The following ACSM5 variants were observed in gnomAD, a reference collection of about 807,000 sequenced individuals.
ACSM5 encodes acyl-coenzyme A synthetase ACSM5, mitochondrial.
ACSM5 carries 56 observed loss-of-function variants against 71.6 expected under a neutral mutation model. That is an observed-to-expected ratio of 0.78 (90% confidence interval 0.63 to 0.98). The LOEUF (loss-of-function observed/expected upper bound fraction) is 0.98. Among genes scored for constraint, ACSM5 ranks in the 50% least tolerant of loss-of-function variants. ACSM5 has a pLI of 0.00. For missense variants in ACSM5, 723 were observed against 726.0 expected, an observed-to-expected ratio of 1.00 and a Z score of 0.05; for synonymous variants, 285 against 281.5, an observed-to-expected ratio of 1.01 and a Z score of -0.12.
At chr16:20,421,672 TATAC>T (rs1966886263) in intron 5 of ACSM5, among the ~76,000 whole-genome samples, 1 of 144,190 alleles carries the variant, frequency 6.9e-6, no homozygotes, top group Non-Finnish European at 1.5e-5. Flanking sequence ...CACACATATA[TATAC>T]ATACATACAC....
At chr16:20,439,250 A>G (rs1166574171) in intron 12 of ACSM5, among the ~76,000 whole-genome samples, 1 of 129,546 alleles carries the variant, frequency 7.7e-6, no homozygotes, top group East Asian at 3.4e-4. Context: ...AGCCTGCAGG[A>G]AAGTTGTGGG....
intron 8 of ACSM5, among the ~76,000 whole-genome samples, 178 bp from the exon 9 acceptor site, chr16:20,430,813 GAA>G (rs1360605362): frequency 6.8e-6 from 1 of 147,076 alleles, no homozygotes; most frequent in Admixed American, 6.8e-5. Flanking sequence ...AAAAAGAAAA[GAA>G]AGAAGGGAGG....
chr16:20,428,016 T>C (rs1283187694), intron 7 of ACSM5, 149 bp downstream of exon 7: 1 of 678,996 alleles, frequency 1.5e-6, no homozygotes, highest in African/African-American at 1.8e-5. Flanking sequence ...TTTGTCTCTC[T>C]CTCACACACA....
chr16:20,418,288 G>T lies in ACSM5; in HGVS notation c.415+19G>T. ...CGGACAGGTCAGTAAGCAGGGCTGG[G>T]AATTTTAGTTGGGGGCAGACACAAC... On this transcript the variant is annotated intron_variant, in intron 3 of 13. Transcript: ENST00000331849. 1 of 1,595,778 alleles carries T rather than the reference G, an allele frequency of 6.3e-7. No individual in the cohort carries two copies. The highest frequency in any genetic ancestry group is 2.2e-5 in the East Asian group (1 of 44,500).
chr16:20,419,003 A>C (rs1223949421), intron 3 of ACSM5, among the ~76,000 whole-genome samples: 1 of 152,108 alleles, frequency 6.6e-6, no homozygotes, highest in Admixed American at 6.6e-5. Flanking sequence ...ACAGAGGAGG[A>C]AAGAGGCCAC....
At chr16:20,436,980 G>A (rs1967211751) in intron 10 of ACSM5, 72 bp from the exon 11 acceptor site, 1 of 1,534,782 alleles carries the variant, frequency 6.5e-7, no homozygotes, top group African/African-American at 1.4e-5. Flanking sequence ...TCCTACAGGG[G>A]GCTACTGGGG....
chr16:20,423,526 C>A (rs1966919530), intron 5 of ACSM5, among the ~76,000 whole-genome samples: 1 of 152,216 alleles, frequency 6.6e-6, no homozygotes, highest in Non-Finnish European at 1.5e-5. Flanking sequence ...ACATGCTCTC[C>A]AGGGGCTTCC....
At chr16:20,436,879 T>C (rs1389555463) in intron 10 of ACSM5, among the ~76,000 whole-genome samples, 173 bp from the exon 11 acceptor site, 1 of 152,126 alleles carries the variant, frequency 6.6e-6, no homozygotes, top group Non-Finnish European at 1.5e-5. Flanking sequence ...ATCCCACAAC[T>C]AAACAGGGCC....
At chr16:20,437,222 G>A in intron 11 of ACSM5, 43 bp downstream of exon 11, 1 of 1,614,154 alleles carries the variant, frequency 6.2e-7, no homozygotes, top group African/African-American at 1.3e-5. Context: ...AAATTTCATG[G>A]GGGTTGAGGG....
chr16:20,431,301 T>C lies in ACSM5; in HGVS notation c.1288T>C (p.Cys430Arg), dbSNP rs548352099. ...CCGTATCAGACCCACTCGGCCCTTC[T>C]GTTTCTTCAATTGCTATTTGGTAAG... ...AVRIRPTRPFCFFNCYLDNPE... is the reference protein window; with the variant it reads ...AVRIRPTRPFRFFNCYLDNPE... The change falls in exon 10 of 14, where the codon TGT becomes CGT. Residue 430 changes from cysteine to arginine, a missense_variant. Coordinates refer to ENST00000331849, the MANE Select transcript of ACSM5 (RefSeq NM_017888.3). The C allele has an allele frequency of 6.2e-7, 1 of 1,614,190 alleles. No individual in the cohort carries two copies. The highest frequency in any genetic ancestry group is 1.7e-5 in the Admixed American group (1 of 60,030).
intron 10 of ACSM5, among the ~76,000 whole-genome samples, chr16:20,431,985 A>G (rs1436818071): frequency 6.6e-5 from 10 of 151,440 alleles, no homozygotes; most frequent in Non-Finnish European, 1.2e-4. Context: ...AAATAAATAC[A>G]TAAAGGTCAA....
intron 11 of ACSM5, 42 bp downstream of exon 11, chr16:20,437,221 G>A (rs1967219804): frequency 6.2e-7 from 1 of 1,614,110 alleles, no homozygotes. Context: ...GAAATTTCAT[G>A]GGGGTTGAGG....
intron 2 of ACSM5, among the ~76,000 whole-genome samples, chr16:20,413,748 A>C (rs186378033): frequency 7.2e-5 from 11 of 152,308 alleles, no homozygotes; most frequent in Admixed American, 6.5e-5. Context: ...CTAAGCTCGC[A>C]CTTCTGGCAG....
intron 5 of ACSM5, among the ~76,000 whole-genome samples, chr16:20,422,186 A>T (rs1474001876): frequency 1.3e-5 from 2 of 152,002 alleles, no homozygotes; most frequent in Non-Finnish European, 2.9e-5. Context: ...ATCTCCACTC[A>T]CTGCAACCTC....
Position 20,414,935 on chromosome 16 carries a change from G to A in ACSM5, c.205-3124G>A, listed in dbSNP as rs775255581. On this transcript the variant is annotated intron_variant, in intron 2 of 13. Coordinates refer to ENST00000331849, the MANE Select transcript of ACSM5 (RefSeq NM_017888.3). Reference sequence around the variant, plus strand: ...TAAAGGCACAGATGATAAAAACTCAGAAGGAAATGAAAAATGTAATATCAG... The same window carrying A: ...TAAAGGCACAGATGATAAAAACTCAAAAGGAAATGAAAAATGTAATATCAG... Among the ~76,000 whole-genome samples, 58 of 152,180 alleles carry A rather than the reference G, an allele frequency of 3.8e-4. 1 individual carries two copies. The highest frequency in any genetic ancestry group is 1.8e-4 in the Non-Finnish European group (12 of 68,034).
Position 20,418,112 on chromosome 16 carries a change from A to G in ACSM5, c.258A>G (p.Ala86=), listed in dbSNP as rs202071732. 62 of 1,613,860 alleles carry G rather than the reference A, an allele frequency of 3.8e-5. No homozygotes were observed. The Admixed American group carries it at 9.8e-4, about 26-fold the overall frequency. Residue 86 remains alanine, a synonymous_variant, in exon 3 of 14, where the codon GCA becomes GCG. Coordinates refer to ENST00000331849, the MANE Select transcript of ACSM5 (RefSeq NM_017888.3). ...TCTGGTGGGTCAATGGCACAGGAGC[A>G]GAGATCAAGTGGAGCTTTGAGGAGC... The part of the protein sequence containing the change: ...PAFWWVNGTG[A]EIKWSFEELG...
chr16:20,423,925 G>T lies in ACSM5; in HGVS notation c.777G>T (p.Val259=), dbSNP rs1179574050. The T allele has an allele frequency of 1.2e-6, 2 of 1,613,962 alleles. No individual in the cohort carries two copies. Among genetic ancestry groups the T allele is most frequent in the East Asian group, 2.2e-5 (1 of 44,884 alleles). The change falls in exon 6 of 14, where the codon GTG becomes GTT. Residue 259 remains valine (V), a synonymous_variant. Transcript: ENST00000331849. ...LGFVASGRRW[V]ALTESDIFWN... ...CTCTAATTTTTGGCAGACGGTGGGT[G>T]GCCTTGACCGAATCTGACATCTTCT...
chr16:20,427,894 A>C, intron 7 of ACSM5, 27 bp downstream of exon 7: 1 of 1,544,052 alleles, frequency 6.5e-7, no homozygotes, highest in Non-Finnish European at 8.9e-7. Context: ...TCGTGCTTTG[A>C]GGGCCTAAGT....
chr16:20,435,269 G>T (rs370703695), intron 10 of ACSM5, among the ~76,000 whole-genome samples: 1 of 152,280 alleles, frequency 6.6e-6, no homozygotes, highest in African/African-American at 2.4e-5. Context: ...CTGACCTCAG[G>T]TGATCCACCT....
Sources: gnomAD v4.1 joint callset for allele counts (sites outside exome capture counted in the v4.1 genomes callset) on GRCh38, gnomAD v4.1.1 for gene constraint, MANE v1.5 for transcripts, NCBI Gene and HGNC (gene_info 2026-07-23, HGNC 2026-07-21) for gene names.